PRDX4: variants seen among roughly 807,000 people sequenced by gnomAD.
PRDX4 encodes the protein peroxiredoxin 4, also known as peroxiredoxin-4.
In PRDX4, 12 loss-of-function variants were observed where a neutral mutation model predicts 20.5. That is an observed-to-expected ratio of 0.58 (90% CI 0.37 to 0.95). The LOEUF (loss-of-function observed/expected upper bound fraction) is 0.95. Ranked by LOEUF, PRDX4 falls within the 40% of genes least tolerant of loss-of-function variation. PRDX4 has a pLI of 0.01. For missense variants in PRDX4, 180 were observed against 207.3 expected (o/e 0.87, Z 0.81); for synonymous variants, 99 against 87.5 (o/e 1.13, Z -0.73).
At chrX:23,679,388 GA>G in intron 4 of PRDX4, 101 bp downstream of exon 4, 1 of 984,367 alleles carries the variant, frequency 1.0e-6, no homozygotes, top group Non-Finnish European at 1.4e-6. Flanking sequence ...TTTTGATCAA[GA>G]AATATAATTT....
At chrX:23,682,085 T>C (rs1176169511) in intron 4 of PRDX4, among the ~76,000 whole-genome samples, 1 of 112,417 alleles carries the variant, frequency 8.9e-6, no homozygotes, top group Non-Finnish European at 1.9e-5. Flanking sequence ...ATAATACATG[T>C]ACATATGCAC....
intron 4 of PRDX4, among the ~76,000 whole-genome samples, chrX:23,679,775 G>A (rs748763769): frequency 9.1e-6 from 1 of 110,193 alleles, no homozygotes; most frequent in South Asian, 3.9e-4. Flanking sequence ...TCAAGATATC[G>A]AGACTATCCT....
intron 4 of PRDX4, among the ~76,000 whole-genome samples, chrX:23,682,130 G>A (rs980794544): frequency 3.6e-5 from 4 of 112,227 alleles, no homozygotes; most frequent in African/African-American, 9.7e-5. Flanking sequence ...TTCAACAACT[G>A]TAAATACTCT....
At chrX:23,675,321 G>T in intron 3 of PRDX4, 4 of 699,314 alleles carry the variant, frequency 5.7e-6, no homozygotes, top group Non-Finnish European at 8.0e-6. Context: ...AATGCTTAAG[G>T]ATTTTATAGG....
chrX:23,682,853 A>AAAATATATATAT (rs1555933130), intron 5 of PRDX4, among the ~76,000 whole-genome samples: 1 of 14,878 alleles, frequency 6.7e-5, no homozygotes, highest in African/African-American at 2.2e-4. Flanking sequence ...AAAAAAAAAA[A>AAAATATATATAT]ATATATATAT....
chrX:23,682,582 T>C, intron 5 of PRDX4, 56 bp downstream of exon 5: 1 of 938,860 alleles, frequency 1.1e-6, no homozygotes, highest in East Asian at 4.1e-5. Context: ...CATAATTAGT[T>C]AGGTTTCTTA....
chrX:23,675,480 A>G (rs1927928471), intron 3 of PRDX4: 1 of 179,225 alleles, frequency 5.6e-6, no homozygotes, highest in Admixed American at 7.6e-5. Context: ...ACACAGTTAT[A>G]TAGTCAAACT....
intron 1 of PRDX4, among the ~76,000 whole-genome samples, chrX:23,668,238 A>G (rs1372576150): frequency 8.9e-6 from 1 of 112,647 alleles, no homozygotes; most frequent in Non-Finnish European, 1.9e-5. Flanking sequence ...AAAAGTTGCT[A>G]AACACAGTGC....
At chrX:23,679,138 G>A (rs761277642) in intron 3 of PRDX4, 27 bp from the exon 4 acceptor site, 1 of 1,201,451 alleles carries the variant, frequency 8.3e-7, no homozygotes, top group South Asian at 1.8e-5. Flanking sequence ...ACTTAGCTCT[G>A]AGAGGTAAGC....
chrX:23,677,716 C>T (rs1319772387), intron 3 of PRDX4, among the ~76,000 whole-genome samples: 2 of 111,331 alleles, frequency 1.8e-5, no homozygotes, highest in South Asian at 3.8e-4. Flanking sequence ...TACTACGTAT[C>T]TTTTGATCTA....
At chrX:23,675,291 T>C in intron 3 of PRDX4, 185 bp downstream of exon 3, 1 of 882,765 alleles carries the variant, frequency 1.1e-6, no homozygotes. Flanking sequence ...AAGAGTAATA[T>C]AATCAGCTGC....
At chrX:23,675,471 C>T (rs929431997) in intron 3 of PRDX4, 23 of 202,743 alleles carry the variant, frequency 1.1e-4, no homozygotes, top group Non-Finnish European at 2.0e-4. Context: ...TTCTCTGTTA[C>T]ACAGTTATAT....
intron 2 of PRDX4, among the ~76,000 whole-genome samples, chrX:23,673,755 C>CAA: frequency 3.0e-5 from 1 of 33,172 alleles, no homozygotes; most frequent in South Asian, 1.4e-3. Flanking sequence ...GACCCTGCCA[C>CAA]AAAAAAAAAA....
At chrX:23,674,850 C>T in intron 2 of PRDX4, 140 bp from the exon 3 acceptor site, 1 of 827,443 alleles carries the variant, frequency 1.2e-6, no homozygotes, top group Non-Finnish European at 1.7e-6. Flanking sequence ...TAGACTACTC[C>T]ATTTTGAAAA....
rs769777390 is a variant in PRDX4, at chrX:23,679,254, G to C, written c.566G>C (p.Gly189Ala). 8.3e-7 allele frequency: 1 copy of C among 1,207,521 alleles called. No homozygotes were observed. The highest frequency in any genetic ancestry group is 3.0e-5 in the East Asian group (1 of 33,805). The change falls in exon 4 of 7, where the codon GGT (glycine) becomes GCT (alanine). Residue 189 changes from glycine to alanine, a missense_variant. Physicochemically the swap from Gly to Ala is moderately conservative, Grantham distance 60. Around this residue, in one of 3 missense-constraint regions of PRDX4, gnomAD observed 73 missense variants for 76.5 expected, o/e 0.95. Coordinates refer to ENST00000379341, the MANE Select transcript of PRDX4 (RefSeq NM_006406.2). ...DLTHQISKDY[G>A]VYLEDSGHTL... ...ACCCATCAGATCTCAAAGGACTATGGTGTATACCTAGAGGACTCAGGCCAC... is the reference window on the plus strand; with the variant it reads ...ACCCATCAGATCTCAAAGGACTATGCTGTATACCTAGAGGACTCAGGCCAC...
chrX:23,671,817 C>T (rs1276569524), intron 2 of PRDX4, among the ~76,000 whole-genome samples, 171 bp downstream of exon 2: 2 of 111,689 alleles, frequency 1.8e-5, no homozygotes, highest in African/African-American at 3.3e-5. Flanking sequence ...CATAACACAC[C>T]GACCTCAATA....
chrX:23,667,669 A>G lies in PRDX4; in HGVS notation c.99A>G (p.Gly33=). ...TACTGCTGTTCCTGCTGCCGGCTGG[A>G]GCTGTGCAGGGCTGGGAGACAGAGG... ...LPLLLFLLPA[G]AVQGWETEER... Residue 33 remains glycine (G), a synonymous_variant, in exon 1 of 7, where the codon GGA becomes GGG. Transcript: ENST00000379341. 6 of 1,209,484 alleles carry G rather than the reference A, an allele frequency of 5.0e-6. No homozygotes were observed. Among genetic ancestry groups the G allele is most frequent in the Non-Finnish European group, 6.7e-6 (6 of 894,468 alleles).
chrX:23,669,773 CG>C (rs1049036192), intron 1 of PRDX4, among the ~76,000 whole-genome samples: 27 of 109,805 alleles, frequency 2.5e-4, no homozygotes, highest in Middle Eastern at 4.6e-3. Flanking sequence ...AAAAATTAGC[CG>C]GGTGTGATGG....
At chrX:23,675,927 G>A (rs1179263754) in intron 3 of PRDX4, among the ~76,000 whole-genome samples, 3 of 110,272 alleles carry the variant, frequency 2.7e-5, no homozygotes, top group Admixed American at 9.7e-5. Context: ...TCGGGAGTTC[G>A]AGACCAGCCT....
Sources: gnomAD v4.1 joint callset for allele counts (sites outside exome capture counted in the v4.1 genomes callset) on GRCh38, gnomAD v4.1.1 for gene constraint, gnomAD v4.1.1 regional missense constraint, MANE v1.5 for transcripts, NCBI Gene and HGNC (gene_info 2026-07-23, HGNC 2026-07-21) for gene names.